AXIN1: variants seen among roughly 807,000 people sequenced by gnomAD.
AXIN1 encodes axin 1.
A neutral mutation model predicts 76.4 loss-of-function variants in AXIN1; 30 were observed. The observed-to-expected ratio is 0.39, with a 90% CI of 0.29 to 0.53. The LOEUF (loss-of-function observed/expected upper bound fraction) is 0.53. AXIN1 is among the 20% of genes least tolerant of loss of function. The pLI is 0.66. For synonymous variants in AXIN1, 545 were observed against 501.4 expected (o/e 1.09, Z -1.16); for missense variants, 1,140 against 1,198.8 (o/e 0.95, Z 0.72).
chr16:316,672 C>T (rs1419758747), intron 2 of AXIN1, among the ~76,000 whole-genome samples: 1 of 151,666 alleles, frequency 6.6e-6, no homozygotes, highest in Non-Finnish European at 1.5e-5. Context: ...AGTCGTCAGC[C>T]TCACAGGGGG....
chr16:330,292 G>C (rs950492926), intron 2 of AXIN1, among the ~76,000 whole-genome samples: 1 of 151,368 alleles, frequency 6.6e-6, no homozygotes, highest in Non-Finnish European at 1.5e-5. Flanking sequence ...TCAAAATCCT[G>C]GGCTCAAGCA....
At chr16:288,992 C>T (rs1021157161) in intron 10 of AXIN1, among the ~76,000 whole-genome samples, 1 of 152,240 alleles carries the variant, frequency 6.6e-6, no homozygotes, top group Admixed American at 6.5e-5. Context: ...GGGCCGAAAG[C>T]CTGATGCCAC....
intron 2 of AXIN1, among the ~76,000 whole-genome samples, chr16:330,695 T>C (rs986971201): frequency 2.0e-5 from 3 of 152,220 alleles, no homozygotes; most frequent in African/African-American, 7.2e-5. Flanking sequence ...ACACTTTATG[T>C]AATGAAGAGT....
intron 1 of AXIN1, among the ~76,000 whole-genome samples, chr16:347,381 A>G (rs1354535800): frequency 6.6e-6 from 1 of 152,348 alleles, no homozygotes; most frequent in South Asian, 2.1e-4. Context: ...CTCACTGCAC[A>G]AACATCACGG....
intron 1 of AXIN1, among the ~76,000 whole-genome samples, chr16:352,166 C>A (rs771733450): frequency 3.0e-4 from 46 of 151,836 alleles, no homozygotes; most frequent in Non-Finnish European, 5.5e-4. Flanking sequence ...TGCTCCGTGC[C>A]CCGAGACGCG....
At chr16:295,456 G>A (rs1326576886) in intron 7 of AXIN1, among the ~76,000 whole-genome samples, 1 of 151,854 alleles carries the variant, frequency 6.6e-6, no homozygotes, top group Non-Finnish European at 1.5e-5. Context: ...CTAGAGGCCG[G>A]CGGATAGCTT....
chr16:296,387 A>C (rs547952584), intron 7 of AXIN1, among the ~76,000 whole-genome samples: 134 of 152,356 alleles, frequency 8.8e-4, no homozygotes, highest in Non-Finnish European at 1.7e-3. Context: ...CAGGGCCAAC[A>C]CTTCCCAGCT....
intron 2 of AXIN1, among the ~76,000 whole-genome samples, chr16:329,382 C>T (rs1474939227): frequency 2.6e-5 from 4 of 151,474 alleles, no homozygotes; most frequent in African/African-American, 9.7e-5. Context: ...CTAGAGCGAT[C>T]TAGATAGAAT....
intron 4 of AXIN1, among the ~76,000 whole-genome samples, chr16:306,865 G>C (rs2053040135): frequency 6.6e-6 from 1 of 152,242 alleles, no homozygotes; most frequent in Admixed American, 6.5e-5. Context: ...GATGAGGAAG[G>C]CTGGGGCTGG....
intron 2 of AXIN1, among the ~76,000 whole-genome samples, chr16:321,736 T>C (rs183706066): frequency 7.9e-5 from 12 of 151,810 alleles, no homozygotes; most frequent in East Asian, 7.8e-4. Context: ...AACCCTCTCA[T>C]AGCTGGGAAT....
At chr16:313,724 G>A (rs2053236110) in intron 3 of AXIN1, among the ~76,000 whole-genome samples, 1 of 152,258 alleles carries the variant, frequency 6.6e-6, no homozygotes. Context: ...GGCAGCCAGT[G>A]CCCTACTGCA....
Position 287,614 on chromosome 16 carries a change from G to C in AXIN1, c.*508C>G, listed in dbSNP as rs2052416258. 6.4e-6 allele frequency: 2 copies of C among 314,130 alleles called. No individual in the cohort carries two copies. Among genetic ancestry groups the C allele is most frequent in the Admixed American group, 9.2e-5 (2 of 21,638 alleles). The allele number at this position is 314,130 out of a possible 1,614,324, so 19.5% of individuals were successfully genotyped here. ...AGGAGGACCCAGGACTGCACAGCCG[G>C]CGGCTGGAGGCAGGTGCAGTGCTCC... On this transcript the variant is annotated 3_prime_UTR_variant, in exon 11 of 11. Coordinates refer to ENST00000262320, the MANE Select transcript of AXIN1 (RefSeq NM_003502.4).
chr16:336,271 T>G (rs1052464895), intron 2 of AXIN1, among the ~76,000 whole-genome samples: 3 of 151,934 alleles, frequency 2.0e-5, no homozygotes, highest in African/African-American at 7.3e-5. Flanking sequence ...GGCTCAGAAG[T>G]GAAAGCACCA....
chr16:340,162 C>T (rs780996576), intron 2 of AXIN1, among the ~76,000 whole-genome samples: 5 of 152,146 alleles, frequency 3.3e-5, no homozygotes, highest in African/African-American at 7.2e-5. Flanking sequence ...GGAACCTGAA[C>T]GGCAAGGGCT....
chr16:304,377 T>C lies in AXIN1; in HGVS notation c.1181A>G (p.His394Arg), dbSNP rs779671114. The change falls in exon 5 of 11, where the codon CAC becomes CGC. Residue 394 changes from histidine (H) to arginine (R), a missense_variant. By Grantham distance (29) the His-to-Arg change is conservative. This residue lies in a region of AXIN1 where 708 missense variants were observed against 776.9 expected (regional missense o/e 0.91). Coordinates refer to ENST00000262320, the MANE Select transcript of AXIN1 (RefSeq NM_003502.4). ...CGTGCGCTGCACAGCCTCCAGGCGG[T>C]GGATGAGCTCCTCCGCGAACTTCTG... ...EPQKFAEELI[H>R]RLEAVQRTRE... The C allele has an allele frequency of 6.2e-7, 1 of 1,612,656 alleles. No homozygotes were observed. The highest frequency in any genetic ancestry group is 2.2e-5 in the East Asian group (1 of 44,878).
rs777564923 is a variant in AXIN1 at position 304,449 on chromosome 16, G to A, written c.1117-8C>T. ...CGGCACCCGGTACGTGCGCTGCGAGGGACAGGACTGTGAGGCACGGGGGTT... is the reference window on the plus strand; with the variant it reads ...CGGCACCCGGTACGTGCGCTGCGAGAGACAGGACTGTGAGGCACGGGGGTT... On this transcript the variant is annotated splice_polypyrimidine_tract_variant and splice_region_variant and intron_variant, in intron 4 of 10. Transcript: ENST00000262320. 1.9e-6 allele frequency: 3 copies of A among 1,612,554 alleles called. No homozygotes were observed. The African/African-American group carries it at 4.0e-5, about 22-fold the overall frequency.
intron 2 of AXIN1, among the ~76,000 whole-genome samples, chr16:341,892 C>G (rs1393641048): frequency 6.6e-6 from 1 of 152,226 alleles, no homozygotes; most frequent in Non-Finnish European, 1.5e-5. Flanking sequence ...CTTGGAGAAC[C>G]TTTGTGTGGA....
chr16:288,286 C>T (rs1350976167), intron 10 of AXIN1, 38 bp from the exon 11 acceptor site: 4 of 1,612,844 alleles, frequency 2.5e-6, no homozygotes, highest in Admixed American at 3.3e-5. Context: ...GAGCAGGCAG[C>T]ACCGCAGATG....
chr16:325,683 T>C (rs2053565483), intron 2 of AXIN1, among the ~76,000 whole-genome samples: 1 of 152,348 alleles, frequency 6.6e-6, no homozygotes, highest in East Asian at 1.9e-4. Context: ...GTACAACTTA[T>C]GGTCTGTCCC....
Sources: gnomAD v4.1 joint callset for allele counts (sites outside exome capture counted in the v4.1 genomes callset) on GRCh38, gnomAD v4.1.1 for gene constraint, gnomAD v4.1.1 regional missense constraint, MANE v1.5 for transcripts, NCBI Gene and HGNC (gene_info 2026-07-23, HGNC 2026-07-21) for gene names.